STAB1: variants seen among roughly 807,000 people sequenced by gnomAD.
The protein encoded by STAB1 is stabilin 1.
STAB1 carries 250 observed loss-of-function variants against 332.4 expected under a neutral mutation model. The ratio of observed to expected loss-of-function variants is 0.75; its 90% CI spans 0.68 to 0.84. The LOEUF (loss-of-function observed/expected upper bound fraction) is 0.84, where lower values mean the gene tolerates loss of function less well. STAB1 is among the 40% of genes least tolerant of loss of function. STAB1 has a pLI of 0.00. For synonymous variants in STAB1, 1,475 were observed against 1,390.4 expected, an observed-to-expected ratio of 1.06 and a Z score of -1.35; for missense variants, 3,249 against 3,489.7, an observed-to-expected ratio of 0.93 and a Z score of 1.74.
intron 56 of STAB1, 30 bp downstream of exon 56, chr3:52,521,540 G>T (rs746874225): frequency 5.0e-6 from 8 of 1,613,792 alleles, no homozygotes; most frequent in Non-Finnish European, 6.8e-6. Flanking sequence ...CCCACGGCCC[G>T]ATTCCTTTGG....
At position 52,515,042 on chromosome 3, in the gene STAB1, G is replaced by A. The variant is rs1227649441; in HGVS notation, c.3861G>A (p.Leu1287=). The change falls in exon 36 of 69, where the codon CTG becomes CTA. Residue 1287 remains leucine (L), a synonymous_variant. Coordinates refer to ENST00000321725, the MANE Select transcript of STAB1 (RefSeq NM_015136.3). ...TCCGCTGCACTCAGGGCTTCCAGCTGCAGGTGAGACTGGGCTTAGCGCAGC... is the reference window on the plus strand; with the variant it reads ...TCCGCTGCACTCAGGGCTTCCAGCTACAGGTGAGACTGGGCTTAGCGCAGC... ...RRFRCTQGFQ[L]QDTPRKSCVY... is the part of the protein sequence containing the mutation. 5 of 1,613,466 alleles carry A rather than the reference G, an allele frequency of 3.1e-6. No homozygotes were observed. Among genetic ancestry groups the A allele is most frequent in the Non-Finnish European group, 3.4e-6 (4 of 1,180,006 alleles).
At position 52,506,750 on chromosome 3, in the gene STAB1, C is replaced by T; in HGVS notation, c.1889C>T (p.Ala630Val). ...VPLQRVDVMA[A>V]NGVIHMLDGI... is the part of the protein sequence containing the mutation. ...CTGCAGAGGGTAGACGTGATGGCCG[C>T]CAATGGTGTGATCCACATGCTGGAC... The change falls in exon 18 of 69, where the codon GCC becomes GTC. Residue 630 changes from alanine (A) to valine (V), a missense_variant. Coordinates refer to ENST00000321725, the MANE Select transcript of STAB1 (RefSeq NM_015136.3). The T allele has an allele frequency of 6.2e-7, 1 of 1,612,734 alleles. No individual in the cohort carries two copies. Among genetic ancestry groups the T allele is most frequent in the Non-Finnish European group, 8.5e-7 (1 of 1,179,582 alleles).
intron 21 of STAB1, 108 bp from the exon 22 acceptor site, chr3:52,509,102 A>G (rs987337909): frequency 2.1e-6 from 2 of 965,712 alleles, no homozygotes; most frequent in Non-Finnish European, 3.0e-6. Context: ...ATGAGCTCTC[A>G]CGGGTAGCAA....
intron 41 of STAB1, 82 bp from the exon 42 acceptor site, chr3:52,516,902 T>C: frequency 6.2e-7 from 1 of 1,600,992 alleles, no homozygotes; most frequent in Non-Finnish European, 8.5e-7. Flanking sequence ...TCTGACCTTT[T>C]CCTTTCTCTC....
chr3:52,518,457 G>C (rs2078950915), intron 46 of STAB1, 79 bp from the exon 47 acceptor site: 4 of 1,564,900 alleles, frequency 2.6e-6, no homozygotes, highest in East Asian at 2.3e-5. Flanking sequence ...TGTTCTCTCT[G>C]AGTCCAGGTC....
rs140526768 is a variant in STAB1, at chr3:52,502,239, A to G, written c.487+11A>G. On this transcript the variant is annotated intron_variant, in intron 5 of 68. Transcript: ENST00000321725. ...CTGACTGCCAATCGGGTGAGTGCTT[A>G]AAAGGCAAGAGGGCACGGCCAGCGT... The G allele has an allele frequency of 1.6e-5, 26 of 1,609,510 alleles. No homozygotes were observed. Among genetic ancestry groups the G allele is most frequent in the Non-Finnish European group, 2.1e-5 (25 of 1,179,868 alleles).
intron 1 of STAB1, among the ~76,000 whole-genome samples, chr3:52,499,906 A>AAG (rs1708317643): frequency 1.4e-5 from 2 of 145,424 alleles, no homozygotes; most frequent in South Asian, 4.6e-4. Flanking sequence ...CTCAAAAAAA[A>AAG]AAAAAAAAAA....
In STAB1 at chr3:52,501,744, C is replaced by T. The variant is rs146810774; in HGVS notation, c.322C>T (p.Arg108Trp). The change falls in exon 3 of 69, where the codon CGG (arginine) becomes TGG (tryptophan). Residue 108 changes from arginine (R) to tryptophan (W), a missense_variant. Arg to Trp is a moderately radical substitution (Grantham distance 101). Transcript: ENST00000321725. The stretch of plus-strand genomic sequence containing the variant: ...CTGCTGCCCTGGCTACTGGGGTTCC[C>T]GGTGCCATGGTATGGGAGAAAGGGG... ...KACCPGYWGS[R>W]CHECPGGAET... 511 of 1,561,956 alleles carry T rather than the reference C, an allele frequency of 3.3e-4. No homozygotes were observed. Among genetic ancestry groups the T allele is most frequent in the Non-Finnish European group, 4.1e-4 (468 of 1,153,968 alleles).
chr3:52,517,565 CG>C lies in STAB1; in HGVS notation c.4580del (p.Arg1527LeufsTer64). ...TGPQQVSCSC[R>X]EGYSGDGIRT... ...CTGGGGACAGGTCTCCTGCAGCTGC[CG>C]TGAGGGTTACAGCGGGGATGGCATC... On this transcript the variant is annotated frameshift_variant, in exon 44 of 69. Coordinates refer to ENST00000321725, the MANE Select transcript of STAB1 (RefSeq NM_015136.3). LOFTEE classifies it high-confidence loss of function. The C allele has an allele frequency of 3.7e-6, 6 of 1,612,828 alleles. No homozygotes were observed. The highest frequency in any genetic ancestry group is 5.1e-6 in the Non-Finnish European group (6 of 1,179,880).
rs143836348 is a variant in STAB1, at chr3:52,524,221, T to C, written c.7656+8T>C. The C allele has an allele frequency of 0.017, 27,902 of 1,614,076 alleles. 309 individuals carry two copies. The highest frequency in any genetic ancestry group is 0.021 in the Non-Finnish European group (25,127 of 1,180,018). On this transcript the variant is annotated splice_region_variant and intron_variant, in intron 68 of 68. Coordinates refer to ENST00000321725, the MANE Select transcript of STAB1 (RefSeq NM_015136.3). ...TTTTGTGAACCCTTCGATGTAAGCA[T>C]GGAAGTGAAGAAGTGTGGCAGATGT...
chr3:52,510,251 C>T lies in STAB1; in HGVS notation c.2628+16C>T. On this transcript the variant is annotated intron_variant, in intron 24 of 68. Transcript: ENST00000321725. The stretch of plus-strand genomic sequence containing the variant: ...CTCAGAGAATGTCAGTCCCCTTGCT[C>T]CTTCCCTGAAGTTCTGACCCAGAGG... 2 of 1,614,084 alleles carry T rather than the reference C, an allele frequency of 1.2e-6. No homozygotes were observed. The highest frequency in any genetic ancestry group is 1.7e-6 in the Non-Finnish European group (2 of 1,180,022).
chr3:52,523,651 G>A lies in STAB1; in HGVS notation c.7291-1G>A. Reference sequence around the variant, plus strand: ...TGGGCCTGACTCTGGTCTCCCTGCAGGCCCCAGGGACAGTTGTGGTTAGCC... The same window carrying A: ...TGGGCCTGACTCTGGTCTCCCTGCAAGCCCCAGGGACAGTTGTGGTTAGCC... On this transcript the variant is annotated splice_acceptor_variant, in intron 65 of 68. Transcript: ENST00000321725. LOFTEE classifies it high-confidence loss of function. The A allele has an allele frequency of 6.2e-7, 1 of 1,612,978 alleles. No individual in the cohort carries two copies. The highest frequency in any genetic ancestry group is 8.5e-7 in the Non-Finnish European group (1 of 1,180,018).
At position 52,505,373 on chromosome 3, in the gene STAB1, A is replaced by G. The variant is rs749188086; in HGVS notation, c.1573A>G (p.Ile525Val). ...CGAGGCCTTCAGCCGCTTTGAAACC[A>G]TCCTGGAGGTAAGCTCGGGGGAGGG... ...STEAFSRFET[I>V]LENCGLPSIL... The change falls in exon 14 of 69, where the codon ATC (isoleucine) becomes GTC (valine). Residue 525 changes from isoleucine (I) to valine (V), a missense_variant. By Grantham distance (29) the Ile-to-Val change is conservative. Transcript: ENST00000321725. The G allele has an allele frequency of 1.9e-6, 3 of 1,613,462 alleles. No homozygotes were observed. Among genetic ancestry groups the G allele is most frequent in the Non-Finnish European group, 2.5e-6 (3 of 1,179,830 alleles).
chr3:52,521,790 A>G, intron 57 of STAB1, 54 bp from the exon 58 acceptor site: 1 of 1,595,802 alleles, frequency 6.3e-7, no homozygotes, highest in South Asian at 1.1e-5. Context: ...GAACGGGCAG[A>G]GGCCAGGAAG....
chr3:52,507,226 G>A (rs1262713620), intron 18 of STAB1, among the ~76,000 whole-genome samples: 1 of 152,196 alleles, frequency 6.6e-6, no homozygotes, highest in African/African-American at 2.4e-5. Context: ...TGTATTTTTA[G>A]TAGAGATGGG....
rs1211402160 is a variant in STAB1, at chr3:52,522,379, A to G, written c.6515A>G (p.Gln2172Arg). 1 of 1,613,022 alleles carries G rather than the reference A, an allele frequency of 6.2e-7. No individual in the cohort carries two copies. Reference sequence around the variant, plus strand: ...GCAGGCTACGTAGGCGATGGACTGCAGTGTCTGGAGGAGTCGGAACCACCT... The same window carrying G: ...GCAGGCTACGTAGGCGATGGACTGCGGTGTCTGGAGGAGTCGGAACCACCT... ...CHAGYVGDGL[Q>R]CLEESEPPVD... The change falls in exon 60 of 69, where the codon CAG (glutamine) becomes CGG (arginine). Residue 2172 changes from glutamine to arginine, a missense_variant. Gln to Arg is a conservative substitution (Grantham distance 43, BLOSUM62 1). Coordinates refer to ENST00000321725, the MANE Select transcript of STAB1 (RefSeq NM_015136.3).
chr3:52,519,801 GCA>G, intron 50 of STAB1, 141 bp from the exon 51 acceptor site: 1 of 1,203,586 alleles, frequency 8.3e-7, no homozygotes, highest in Non-Finnish European at 1.1e-6. Flanking sequence ...TGAGATGTGT[GCA>G]CACACATGCC....
In STAB1 at chr3:52,523,095, T is replaced by A; in HGVS notation, c.6981T>A (p.Asp2327Glu). The A allele has an allele frequency of 1.3e-6, 2 of 1,574,318 alleles. No homozygotes were observed. Among genetic ancestry groups the A allele is most frequent in the South Asian group, 2.4e-5 (2 of 83,578 alleles). ...GISTCNGKLL[D>E]VLAATANFST... ...GCACGTGCAATGGGAAGCTGCTGGA[T>A]GTGCTGGCTGCCACTGCCAACTTCT... Residue 2327 changes from aspartate to glutamate, a missense_variant, in exon 63 of 69, where the codon GAT becomes GAA. Transcript: ENST00000321725.
In STAB1 at chr3:52,523,901, G is replaced by A; in HGVS notation, c.7426G>A (p.Val2476Met). Residue 2476 changes from valine to methionine, a missense_variant, in exon 67 of 69, where the codon GTG (valine) becomes ATG (methionine). Coordinates refer to ENST00000321725, the MANE Select transcript of STAB1 (RefSeq NM_015136.3). ...AGTGCTGGCGCCTGAAGCCCCACCTGTGGCGGCAGGCGTGGGGGCTGTGCT... is the reference window on the plus strand; with the variant it reads ...AGTGCTGGCGCCTGAAGCCCCACCTATGGCGGCAGGCGTGGGGGCTGTGCT... ...QAVLAPEAPPVAAGVGAVLAA... is the reference protein window; with the variant it reads ...QAVLAPEAPPMAAGVGAVLAA... 6.2e-7 allele frequency: 1 copy of A among 1,606,654 alleles called. No individual in the cohort carries two copies. Among genetic ancestry groups the A allele is most frequent in the South Asian group, 1.1e-5 (1 of 90,964 alleles).
Sources: allele counts gnomAD v4.1 joint callset (sites outside exome capture counted in the v4.1 genomes callset), GRCh38; gene constraint gnomAD v4.1.1; transcripts MANE v1.5; gene names NCBI Gene and HGNC (gene_info 2026-07-23, HGNC 2026-07-21).